Variants in ORC3 observed in about 807,000 individuals in gnomAD.
ORC3 encodes the protein homolog of latheo, Drosophila.
In ORC3, 78 loss-of-function variants were observed where a neutral mutation model predicts 100.7. That is an observed-to-expected ratio of 0.77 (90% confidence interval 0.65 to 0.94). The LOEUF (loss-of-function observed/expected upper bound fraction) is 0.94, where lower values mean the gene tolerates loss of function less well. ORC3 is among the 40% of genes least tolerant of loss of function. The pLI is 0.00. For synonymous variants in ORC3, 295 were observed against 289.3 expected, an observed-to-expected ratio of 1.02 and a Z score of -0.20; for missense variants, 789 against 823.9, an observed-to-expected ratio of 0.96 and a Z score of 0.52.
intron 9 of ORC3, among the ~76,000 whole-genome samples, chr6:87,618,774 G>GTTT (rs946121503): frequency 6.8e-6 from 1 of 147,800 alleles, no homozygotes; most frequent in Non-Finnish European, 1.5e-5. Context: ...ATGTTCTGTT[G>GTTT]TTTTTTTTTT....
the ORC3 span, chr6:87,675,487 A>C: frequency 1.3e-6 from 2 of 1,484,924 alleles, no homozygotes; most frequent in African/African-American, 2.8e-5. Context: ...GAAAGCTTGA[A>C]ATAACCTGTA....
At chr6:87,636,317 A>G in intron 12 of ORC3, 90 bp from the exon 13 acceptor site, 1 of 738,666 alleles carries the variant, frequency 1.4e-6, no homozygotes, top group Non-Finnish European at 2.4e-6. Flanking sequence ...AATAACATTA[A>G]TTTTTTTTGT....
chr6:87,622,257 A>G (rs1376645880), intron 11 of ORC3, among the ~76,000 whole-genome samples: 2 of 152,060 alleles, frequency 1.3e-5, no homozygotes, highest in African/African-American at 4.8e-5. Flanking sequence ...CTTGTGGCCT[A>G]TTTTGAAAGC....
downstream of ORC3, among the ~76,000 whole-genome samples, chr6:87,671,513 A>G (rs966030796): frequency 1.3e-5 from 2 of 151,986 alleles, no homozygotes; most frequent in South Asian, 2.1e-4. Flanking sequence ...CGTTAATATA[A>G]TCTGATGTCC....
At chr6:87,603,635 T>A (rs1234659530) in intron 4 of ORC3, 107 bp downstream of exon 4, 25 of 580,094 alleles carry the variant, frequency 4.3e-5, no homozygotes, top group African/African-American at 5.6e-5. Context: ...GAGCCTATTT[T>A]GTCTCTCTTA....
At chr6:87,601,603 C>T (rs951793322) in intron 2 of ORC3, among the ~76,000 whole-genome samples, 181 bp from the exon 3 acceptor site, 1 of 151,542 alleles carries the variant, frequency 6.6e-6, no homozygotes, top group Non-Finnish European at 1.5e-5. Context: ...ACCTGGGAGG[C>T]GGAGATCGCA....
chr6:87,661,353 T>A (rs1292751736), intron 16 of ORC3, among the ~76,000 whole-genome samples: 2 of 152,198 alleles, frequency 1.3e-5, no homozygotes, highest in Non-Finnish European at 2.9e-5. Flanking sequence ...TGTTTCTTAG[T>A]GAGGATCAAG....
At chr6:87,595,897 G>C (rs1777396540) in intron 2 of ORC3, among the ~76,000 whole-genome samples, 1 of 152,166 alleles carries the variant, frequency 6.6e-6, no homozygotes, top group Non-Finnish European at 1.5e-5. Flanking sequence ...TCGGCGGCCT[G>C]ATCATAGCTC....
chr6:87,620,732 C>T (rs943914596), intron 9 of ORC3, among the ~76,000 whole-genome samples: 7 of 151,980 alleles, frequency 4.6e-5, no homozygotes, highest in African/African-American at 7.2e-5. Flanking sequence ...ATTATCCAAA[C>T]GTTCATTATG....
chr6:87,651,011 GA>G (rs1412284724), intron 13 of ORC3: 4 of 364,624 alleles, frequency 1.1e-5, no homozygotes, highest in Admixed American at 3.5e-5. Context: ...GCGTCTCAAA[GA>G]AAAAACAAAA....
intron 11 of ORC3, among the ~76,000 whole-genome samples, chr6:87,624,889 C>A (rs183536776): frequency 6.6e-6 from 1 of 152,242 alleles, no homozygotes; most frequent in African/African-American, 2.4e-5. Flanking sequence ...GTTCCCCACC[C>A]TGTGTCCGTG....
At chr6:87,599,646 A>G (rs1422156766) in intron 2 of ORC3, among the ~76,000 whole-genome samples, 8 of 150,212 alleles carry the variant, frequency 5.3e-5, no homozygotes, top group Non-Finnish European at 1.2e-4. Flanking sequence ...GATTACAGGC[A>G]TGTGCCACCA....
chr6:87,666,363 C>G (rs903467445), intron 19 of ORC3, among the ~76,000 whole-genome samples: 2 of 150,780 alleles, frequency 1.3e-5, no homozygotes, highest in Non-Finnish European at 2.9e-5. Context: ...AACTCCTGAC[C>G]TTGTGATCCG....
downstream of ORC3, among the ~76,000 whole-genome samples, chr6:87,671,814 T>TATCA (rs755585608): frequency 9.9e-5 from 15 of 152,182 alleles, no homozygotes; most frequent in African/African-American, 3.4e-4. Flanking sequence ...TCTAATCACC[T>TATCA]ATCAGATGAC....
At chr6:87,665,162 A>G (rs1027111983) in intron 18 of ORC3, among the ~76,000 whole-genome samples, 5 of 152,202 alleles carry the variant, frequency 3.3e-5, no homozygotes, top group African/African-American at 1.2e-4. Flanking sequence ...CAAAAACTAA[A>G]CAATTTAGGT....
intron 13 of ORC3, among the ~76,000 whole-genome samples, chr6:87,643,288 C>T (rs974099131): frequency 6.6e-5 from 10 of 152,252 alleles, no homozygotes; most frequent in African/African-American, 2.4e-4. Flanking sequence ...CCCAGAGCTT[C>T]TGTTGGGAAC....
chr6:87,676,255 A>G, the ORC3 span, among the ~76,000 whole-genome samples: 133 of 150,558 alleles, frequency 8.8e-4, no homozygotes, highest in South Asian at 1.9e-3. Context: ...ACAAGGTCAG[A>G]AGATCGAGAC....
chr6:87,668,476 C>T (rs1770763255), downstream of ORC3, among the ~76,000 whole-genome samples: 1 of 152,114 alleles, frequency 6.6e-6, no homozygotes, highest in African/African-American at 2.4e-5. Context: ...TGTCAGTACG[C>T]AAAAAGTTTC....
intron 2 of ORC3, among the ~76,000 whole-genome samples, chr6:87,597,925 C>T (rs941114632): frequency 1.3e-5 from 2 of 152,074 alleles, no homozygotes; most frequent in Admixed American, 1.3e-4. Flanking sequence ...GACTTGTTCC[C>T]CCATTATCAT....
Sources: gnomAD v4.1 joint callset for allele counts (sites outside exome capture counted in the v4.1 genomes callset) on GRCh38, gnomAD v4.1.1 for gene constraint, MANE v1.5 for transcripts, NCBI Gene and HGNC (gene_info 2026-07-23, HGNC 2026-07-21) for gene names.